EEF2K: variants seen among roughly 807,000 people sequenced by gnomAD.
The protein encoded by EEF2K is eukaryotic elongation factor 2 kinase.
EEF2K carries 70 observed loss-of-function variants against 93.8 expected under a neutral mutation model. That is an observed-to-expected ratio of 0.75 (90% CI 0.62 to 0.91). The LOEUF is 0.91. EEF2K is among the 40% of genes least tolerant of loss of function. The pLI is 0.00. For synonymous variants in EEF2K, 376 were observed against 380.8 expected (o/e 0.99, Z 0.15); for missense variants, 935 against 972.9 (o/e 0.96, Z 0.52).
rs2047418159 is a variant in EEF2K at position 22,257,654 on chromosome 16, A to G, written c.913A>G (p.Met305Val). The change falls in exon 9 of 18, where the codon ATG becomes GTG. Residue 305 changes from methionine to valine, a missense_variant. Physicochemically the swap from Met to Val is conservative, Grantham distance 21 (BLOSUM62 1). Coordinates refer to ENST00000263026, the MANE Select transcript of EEF2K (RefSeq NM_013302.5). ...FGDGNLGVRG[M>V]ALFFYSHACN... is the part of the protein sequence containing the mutation. The stretch of plus-strand genomic sequence containing the variant: ...CGCTCTGTCCACAGGTGTCCGCGGG[A>G]TGGCGCTCTTCTTCTACTCTCATGC... The G allele has an allele frequency of 1.2e-6, 2 of 1,613,332 alleles. No individual in the cohort carries two copies. Among genetic ancestry groups the G allele is most frequent in the Admixed American group, 1.7e-5 (1 of 59,988 alleles).
At chr16:22,246,683 CCT>C (rs1444730107) in intron 3 of EEF2K, among the ~76,000 whole-genome samples, 1 of 151,858 alleles carries the variant, frequency 6.6e-6, no homozygotes, top group African/African-American at 2.4e-5. Context: ...AGAAATAGCC[CCT>C]CTCTGATCAT....
At chr16:22,252,180 T>C (rs1200417797) in intron 6 of EEF2K, among the ~76,000 whole-genome samples, 2 of 152,222 alleles carry the variant, frequency 1.3e-5, no homozygotes, top group Non-Finnish European at 1.5e-5. Context: ...TCAGGATTTT[T>C]GTTTGCAAAT....
At position 22,257,277 on chromosome 16, in the gene EEF2K, C is replaced by A. The variant is rs778410008; in HGVS notation, c.793C>A (p.Arg265Ser). Residue 265 changes from arginine (R) to serine (S), a missense_variant, in exon 8 of 18, where the codon CGT becomes AGT. Physicochemically the swap from Arg to Ser is moderately radical, Grantham distance 110 (BLOSUM62 -1). Coordinates refer to ENST00000263026, the MANE Select transcript of EEF2K (RefSeq NM_013302.5). ...PQAFSHFTFE[R>S]SGHQLIVVDI... ...GGCCTTCAGCCACTTCACTTTTGAG[C>A]GTTCCGGCCATCAGCTGATAGTGGT... 17 of 1,614,114 alleles carry A rather than the reference C, an allele frequency of 1.1e-5. No homozygotes were observed. The highest frequency in any genetic ancestry group is 1.4e-5 in the Non-Finnish European group (16 of 1,180,010).
chr16:22,222,175 T>G (rs1190366961), intron 1 of EEF2K, among the ~76,000 whole-genome samples: 2 of 152,140 alleles, frequency 1.3e-5, no homozygotes, highest in East Asian at 1.9e-4. Flanking sequence ...TTTTCATGCA[T>G]GTACACAGGT....
At chr16:22,263,672 T>A (rs1369520485) in intron 12 of EEF2K, among the ~76,000 whole-genome samples, 2 of 152,152 alleles carry the variant, frequency 1.3e-5, no homozygotes, top group Non-Finnish European at 2.9e-5. Flanking sequence ...AACAGGATCA[T>A]GTGGACCAGT....
chr16:22,225,310 A>G (rs1306203016), intron 1 of EEF2K, among the ~76,000 whole-genome samples: 1 of 152,210 alleles, frequency 6.6e-6, no homozygotes, highest in Admixed American at 6.5e-5. Flanking sequence ...GGATTTTATT[A>G]TGAATGTGAA....
chr16:22,270,556 C>T (rs776265335), intron 15 of EEF2K, among the ~76,000 whole-genome samples: 2 of 152,026 alleles, frequency 1.3e-5, no homozygotes, highest in Non-Finnish European at 2.9e-5. Flanking sequence ...CAGCCAGCTC[C>T]CCGATTCTTT....
At chr16:22,249,079 C>T (rs2047323732) in intron 4 of EEF2K, among the ~76,000 whole-genome samples, 1 of 150,838 alleles carries the variant, frequency 6.6e-6, no homozygotes, top group Non-Finnish European at 1.5e-5. Flanking sequence ...AAGCCATCCT[C>T]TCACCTTAGC....
At chr16:22,278,097 C>T (rs1200103222) in intron 16 of EEF2K, among the ~76,000 whole-genome samples, 2 of 152,072 alleles carry the variant, frequency 1.3e-5, no homozygotes, top group African/African-American at 2.4e-5. Flanking sequence ...ATCCCAGCTA[C>T]TCAGGAGGTT....
chr16:22,266,964 A>G, intron 15 of EEF2K, 88 bp downstream of exon 15: 1 of 1,462,282 alleles, frequency 6.8e-7, no homozygotes, highest in East Asian at 2.3e-5. Flanking sequence ...GAAGTCATGC[A>G]TTCACCTGCC....
chr16:22,215,192 A>T (rs1478358137), intron 1 of EEF2K, among the ~76,000 whole-genome samples: 2 of 152,196 alleles, frequency 1.3e-5, no homozygotes, highest in East Asian at 3.8e-4. Context: ...TCTGCCACGC[A>T]GGTAAGTTGG....
chr16:22,278,505 T>C (rs926475839), intron 16 of EEF2K, among the ~76,000 whole-genome samples: 1 of 151,790 alleles, frequency 6.6e-6, no homozygotes, highest in Non-Finnish European at 1.5e-5. Context: ...GCAGGCATCG[T>C]TGGGGAATGG....
At chr16:22,207,782 C>A (rs1435058241) in intron 1 of EEF2K, among the ~76,000 whole-genome samples, 3 of 152,128 alleles carry the variant, frequency 2.0e-5, no homozygotes, top group Admixed American at 6.5e-5. Context: ...TAAACAGATT[C>A]TAAAAAGCGA....
At chr16:22,246,610 A>G (rs1306064760) in intron 3 of EEF2K, among the ~76,000 whole-genome samples, 1 of 151,698 alleles carries the variant, frequency 6.6e-6, no homozygotes, top group African/African-American at 2.4e-5. Context: ...AACAAAATAT[A>G]TATTTACCAT....
chr16:22,262,538 G>C (rs1289934076), intron 11 of EEF2K, among the ~76,000 whole-genome samples: 2 of 152,126 alleles, frequency 1.3e-5, no homozygotes, highest in Non-Finnish European at 2.9e-5. Context: ...TGTGGTTTTG[G>C]TTGAGGGCTT....
intron 2 of EEF2K, among the ~76,000 whole-genome samples, chr16:22,236,716 C>T (rs766861072): frequency 6.6e-5 from 10 of 151,324 alleles, no homozygotes; most frequent in Non-Finnish European, 1.3e-4. Flanking sequence ...AACACATTGC[C>T]GGCACTCCAC....
At chr16:22,248,104 AC>A (rs2047313392) in intron 3 of EEF2K, among the ~76,000 whole-genome samples, 1 of 151,800 alleles carries the variant, frequency 6.6e-6, no homozygotes, top group Admixed American at 6.6e-5. Flanking sequence ...TCGCTCTGTC[AC>A]CCAGGCTGGA....
At chr16:22,220,683 G>A (rs928226496) in intron 1 of EEF2K, among the ~76,000 whole-genome samples, 3 of 152,182 alleles carry the variant, frequency 2.0e-5, no homozygotes, top group Non-Finnish European at 4.4e-5. Flanking sequence ...GAGCTCAAGC[G>A]ATCTGCCCAC....
intron 4 of EEF2K, 73 bp from the exon 5 acceptor site, chr16:22,250,581 G>T: frequency 6.3e-7 from 1 of 1,593,430 alleles, no homozygotes; most frequent in Admixed American, 1.7e-5. Flanking sequence ...CATGTAAGGG[G>T]AGCACCTCCT....
Sources: allele counts gnomAD v4.1 joint callset (sites outside exome capture counted in the v4.1 genomes callset), GRCh38; gene constraint gnomAD v4.1.1; transcripts MANE v1.5; gene names NCBI Gene and HGNC (gene_info 2026-07-23, HGNC 2026-07-21).